Variants in NRG3 observed in about 807,000 individuals in gnomAD.
The protein encoded by NRG3 is neuregulin 3.
Under a neutral mutation model 66.9 loss-of-function variants are expected in NRG3, and 31 were observed. The ratio of observed to expected loss-of-function variants is 0.46; its 90% confidence interval spans 0.35 to 0.63. The LOEUF is 0.63. Ranked by LOEUF, NRG3 falls within the 20% of genes least tolerant of loss-of-function variation. The probability of loss-of-function intolerance (pLI) is 0.00; values close to 1 mark genes in which losing one functional copy is unlikely to be tolerated. For missense variants in NRG3, 910 were observed against 878.9 expected (o/e 1.04, Z -0.45); for synonymous variants, 393 against 359.4 (o/e 1.09, Z -1.06).
chr10:82,005,032 T>G (rs1053390946), intron 1 of NRG3, among the ~76,000 whole-genome samples: 3 of 152,200 alleles, frequency 2.0e-5, no homozygotes, highest in Non-Finnish European at 4.4e-5. Context: ...CAGCCTGAGG[T>G]GTGGAGGACC....
chr10:82,109,900 C>T (rs528071900), intron 1 of NRG3, among the ~76,000 whole-genome samples: 2 of 152,238 alleles, frequency 1.3e-5, no homozygotes, highest in South Asian at 4.1e-4. Flanking sequence ...GCACTTGTGA[C>T]CTGGCTGTCT....
intron 2 of NRG3, among the ~76,000 whole-genome samples, chr10:82,700,757 G>A (rs2055807429): frequency 6.6e-6 from 1 of 151,898 alleles, no homozygotes; most frequent in South Asian, 2.1e-4. Flanking sequence ...TACATCCTGT[G>A]GCATAAATCG....
At chr10:82,178,606 G>T (rs552566803) in intron 1 of NRG3, among the ~76,000 whole-genome samples, 1 of 152,176 alleles carries the variant, frequency 6.6e-6, no homozygotes, top group South Asian at 2.1e-4. Context: ...TTTACAAAAT[G>T]CTGTTTACCT....
intron 2 of NRG3, among the ~76,000 whole-genome samples, chr10:82,698,090 A>C (rs572404014): frequency 6.6e-6 from 1 of 152,178 alleles, no homozygotes; most frequent in African/African-American, 2.4e-5. Flanking sequence ...TTATCTAATA[A>C]CCTCCTAGAT....
intron 6 of NRG3, among the ~76,000 whole-genome samples, chr10:82,964,945 G>A (rs1851059521): frequency 6.6e-6 from 1 of 152,124 alleles, no homozygotes; most frequent in South Asian, 2.1e-4. Context: ...ATTGATTTCG[G>A]TGCACCACCT....
chr10:82,890,417 A>G (rs1376797991), intron 4 of NRG3, among the ~76,000 whole-genome samples: 6 of 152,136 alleles, frequency 3.9e-5, no homozygotes, highest in African/African-American at 1.2e-4. Context: ...CTTTATTTTC[A>G]TGCTTGTATT....
intron 1 of NRG3, among the ~76,000 whole-genome samples, chr10:82,136,604 A>G (rs2069371668): frequency 6.6e-6 from 1 of 152,138 alleles, no homozygotes; most frequent in Admixed American, 6.5e-5. Flanking sequence ...TGTGTCCACC[A>G]TAGTTATCAA....
intron 1 of NRG3, among the ~76,000 whole-genome samples, chr10:82,154,924 C>A (rs573747435): frequency 1.3e-5 from 2 of 151,748 alleles, no homozygotes; most frequent in East Asian, 3.9e-4. Flanking sequence ...TTATTGAATT[C>A]TTTTATCCAT....
chr10:82,160,540 C>G (rs1041242828), intron 1 of NRG3, among the ~76,000 whole-genome samples: 6 of 151,456 alleles, frequency 4.0e-5, no homozygotes, highest in African/African-American at 9.7e-5. Flanking sequence ...GAGTCTTGCT[C>G]TGTTGCCCAG....
chr10:82,232,648 T>A, intron 1 of NRG3: 1 of 637,044 alleles, frequency 1.6e-6, no homozygotes, highest in Non-Finnish European at 2.9e-6. Context: ...TCAGAAATTT[T>A]GTTTTGTATA....
At chr10:82,580,559 T>A (rs2046302066) in intron 2 of NRG3, among the ~76,000 whole-genome samples, 1 of 151,988 alleles carries the variant, frequency 6.6e-6, no homozygotes, top group African/African-American at 2.4e-5. Flanking sequence ...CATCCCTCCA[T>A]CCTCCCCTGG....
In NRG3 at chr10:82,881,707, T is replaced by C. The variant is rs180701157; in HGVS notation, c.1054+16270T>C. On this transcript the variant is annotated intron_variant, in intron 4 of 8. Coordinates refer to ENST00000372141, the MANE Select transcript of NRG3 (RefSeq NM_001010848.4). ...GGCTATCTGCCTAGCTATATATCTATGTATTTATGTATGTGTGTATGTATC... is the reference window on the plus strand; with the variant it reads ...GGCTATCTGCCTAGCTATATATCTACGTATTTATGTATGTGTGTATGTATC... Among the ~76,000 whole-genome samples, 58 of 152,340 alleles carry C rather than the reference T, an allele frequency of 3.8e-4. 1 individual carries two copies. The highest frequency in any genetic ancestry group is 9.8e-4 in the Admixed American group (15 of 15,308).
intron 2 of NRG3, among the ~76,000 whole-genome samples, chr10:82,591,573 A>G (rs2046984612): frequency 6.6e-6 from 1 of 152,222 alleles, no homozygotes; most frequent in Admixed American, 6.5e-5. Context: ...CAAGGTCTTA[A>G]TAGTATTGAC....
chr10:81,939,677 G>T (rs1848231490), intron 1 of NRG3, among the ~76,000 whole-genome samples: 1 of 146,208 alleles, frequency 6.8e-6, no homozygotes. Flanking sequence ...GTCTAGCTAA[G>T]GGTGTGTCAC....
intron 1 of NRG3, among the ~76,000 whole-genome samples, chr10:82,202,078 T>G (rs547489947): frequency 1.9e-4 from 29 of 152,310 alleles, no homozygotes; most frequent in African/African-American, 7.0e-4. Context: ...GTTTTCATTT[T>G]AAACAGGAAA....
rs572297864 is a variant in NRG3, at chr10:82,614,316, A to G, written c.954-124261A>G. Among the ~76,000 whole-genome samples, 21 of 152,284 alleles carry G rather than the reference A, an allele frequency of 1.4e-4. No homozygotes were observed. In the South Asian group the frequency reaches 4.1e-3, roughly 30 times the overall value. ...CAGATGTGTACAGCAGCATTTTCCA[A>G]TGAGTTTGACATGGTTATGCTCTGT... On this transcript the variant is annotated intron_variant, in intron 2 of 8. Transcript: ENST00000372141.
At chr10:81,948,212 T>G (rs1849020067) in intron 1 of NRG3, among the ~76,000 whole-genome samples, 1 of 152,182 alleles carries the variant, frequency 6.6e-6, no homozygotes, top group African/African-American at 2.4e-5. Flanking sequence ...TTTAAGATGA[T>G]TTTTAGATTC....
chr10:82,194,217 G>A, intron 1 of NRG3, among the ~76,000 whole-genome samples: 1 of 151,876 alleles, frequency 6.6e-6, no homozygotes, highest in East Asian at 1.9e-4. Flanking sequence ...TGATATGTGT[G>A]GGTTGAAAAA....
intron 3 of NRG3, among the ~76,000 whole-genome samples, chr10:82,754,312 A>C (rs1053258265): frequency 6.6e-6 from 1 of 151,444 alleles, no homozygotes; most frequent in African/African-American, 2.4e-5. Context: ...AATATATTAA[A>C]ATATATAAAA....
Sources: gnomAD v4.1 joint callset for allele counts (sites outside exome capture counted in the v4.1 genomes callset) on GRCh38, gnomAD v4.1.1 for gene constraint, MANE v1.5 for transcripts, NCBI Gene and HGNC (gene_info 2026-07-23, HGNC 2026-07-21) for gene names.